The following GALM variants were observed in gnomAD, a reference collection of about 807,000 sequenced individuals.
GALM encodes galactose mutarotase, also known as aldose 1-epimerase.
GALM carries 43 observed loss-of-function variants against 37.4 expected under a neutral mutation model. The ratio of observed to expected loss-of-function variants is 1.15; its 90% CI spans 0.90 to 1.48. GALM has a LOEUF of 1.48. Ranked by LOEUF, GALM falls within the 40% of genes most tolerant of loss-of-function variation. The pLI is 0.00. For missense variants in GALM, 456 were observed against 419.1 expected (o/e 1.09, Z -0.77); for synonymous variants, 199 against 170.6 (o/e 1.17, Z -1.30).
At chr2:38,729,164 G>T (rs932389119) in intron 4 of GALM, among the ~76,000 whole-genome samples, 2 of 151,258 alleles carry the variant, frequency 1.3e-5, no homozygotes, top group Admixed American at 1.3e-4. Flanking sequence ...ATTTATTTGA[G>T]GGTTTTTTTT....
chr2:38,714,150 C>T (rs1459651392), intron 4 of GALM, among the ~76,000 whole-genome samples: 1 of 152,068 alleles, frequency 6.6e-6, no homozygotes, highest in Non-Finnish European at 1.5e-5. Flanking sequence ...ATGTACCAGA[C>T]ATGTCTAAAC....
chr2:38,672,345 C>T (rs183022869), intron 1 of GALM, among the ~76,000 whole-genome samples: 99 of 152,214 alleles, frequency 6.5e-4, no homozygotes, highest in African/African-American at 2.1e-3. Context: ...TTCTGAAAAG[C>T]GGATGAAACA....
Position 38,666,120 on chromosome 2 carries a change from G to A in GALM, c.-42G>A. 1 of 1,570,512 alleles carries A rather than the reference G, an allele frequency of 6.4e-7. No individual in the cohort carries two copies. ...CGCCTCTAGCTTAGCGAGCGCTGGA[G>A]TTTGAAGAGCGGGCAGTGGCTGCAC... On this transcript the variant is annotated 5_prime_UTR_variant, in exon 1 of 7. Coordinates refer to ENST00000272252, the MANE Select transcript of GALM (RefSeq NM_138801.3).
intron 1 of GALM, among the ~76,000 whole-genome samples, chr2:38,673,366 A>C (rs540994370): frequency 4.6e-5 from 7 of 152,356 alleles, no homozygotes; most frequent in Non-Finnish European, 1.0e-4. Flanking sequence ...TCTTGGTAAT[A>C]ATACAGAAAA....
chr2:38,714,156 T>C (rs1323203318), intron 4 of GALM, among the ~76,000 whole-genome samples: 2 of 152,148 alleles, frequency 1.3e-5, no homozygotes, highest in Admixed American at 1.3e-4. Flanking sequence ...CAGACATGTC[T>C]AAACACATAT....
At chr2:38,670,649 A>G (rs953602509) in intron 1 of GALM, among the ~76,000 whole-genome samples, 1 of 152,208 alleles carries the variant, frequency 6.6e-6, no homozygotes, top group African/African-American at 2.4e-5. Flanking sequence ...ATCTGACCAC[A>G]TATTTGATAC....
At chr2:38,727,914 G>A (rs1024430552) in intron 4 of GALM, among the ~76,000 whole-genome samples, 1 of 151,800 alleles carries the variant, frequency 6.6e-6, no homozygotes, top group African/African-American at 2.4e-5. Flanking sequence ...CTTTTTCTTA[G>A]CCTCCTAAGA....
chr2:38,699,204 G>A (rs1050558337), intron 4 of GALM, among the ~76,000 whole-genome samples: 1 of 152,130 alleles, frequency 6.6e-6, no homozygotes, highest in African/African-American at 2.4e-5. Context: ...ATGAGCCACC[G>A]TACCTGGCCC....
chr2:38,677,493 G>C (rs576117574), intron 2 of GALM, among the ~76,000 whole-genome samples: 42 of 152,258 alleles, frequency 2.8e-4, no homozygotes, highest in Non-Finnish European at 4.9e-4. Flanking sequence ...TGCTCTGCCA[G>C]TATTAGGGCA....
chr2:38,728,146 C>T (rs920530122), intron 4 of GALM, among the ~76,000 whole-genome samples: 1 of 152,212 alleles, frequency 6.6e-6, no homozygotes, highest in Admixed American at 6.5e-5. Context: ...GTAATCCCAG[C>T]ACTTTGGGAG....
At chr2:38,721,063 T>C (rs1326009206) in intron 4 of GALM, among the ~76,000 whole-genome samples, 1 of 152,218 alleles carries the variant, frequency 6.6e-6, no homozygotes, top group Non-Finnish European at 1.5e-5. Flanking sequence ...TCTAGACTAC[T>C]GTGGCCATCT....
chr2:38,678,062 G>A (rs1158507353), intron 2 of GALM, among the ~76,000 whole-genome samples: 3 of 150,482 alleles, frequency 2.0e-5, no homozygotes, highest in South Asian at 4.2e-4. Flanking sequence ...CATTTTCCAG[G>A]CTGGAGTGCA....
chr2:38,686,314 G>A (rs1356111909), intron 3 of GALM, among the ~76,000 whole-genome samples: 1 of 117,154 alleles, frequency 8.5e-6, no homozygotes, highest in Non-Finnish European at 1.9e-5. Flanking sequence ...CTCCCAGGCT[G>A]GAGTGCAGTG....
At position 38,666,255 on chromosome 2, in the gene GALM, G is replaced by C; in HGVS notation, c.94G>C (p.Asp32His). 1 of 1,614,014 alleles carries C rather than the reference G, an allele frequency of 6.2e-7. No individual in the cohort carries two copies. The highest frequency in any genetic ancestry group is 2.2e-5 in the East Asian group (1 of 44,888). ...FQLQSDLLRV[D>H]IISWGCTITA... ...GCTGCAGTCAGACCTCTTGAGAGTG[G>C]ACATCATCTCCTGGGGCTGCACGAT... Residue 32 changes from aspartate (D) to histidine (H), a missense_variant, in exon 1 of 7, where the codon GAC becomes CAC. Transcript: ENST00000272252.
rs201363784 is a variant in GALM, at chr2:38,688,513, G to GA, written c.553-1287dup. ...GCAACAAGAGCGAAACTCGGTCTCA[G>GA]AAAAAAAAAAAAAGTCAAATGTCAA... is the stretch of plus-strand genomic sequence containing the variant. On this transcript the variant is annotated intron_variant, in intron 3 of 6. Coordinates refer to ENST00000272252, the MANE Select transcript of GALM (RefSeq NM_138801.3). Among the ~76,000 whole-genome samples the GA allele has an allele frequency of 0.018, 2,535 of 137,924 alleles. 101 individuals are homozygous for GA. In the East Asian group the frequency reaches 0.18, roughly 10 times the overall value. The allele number at this position is 137,924 out of a possible 152,430, so 90.5% of individuals were successfully genotyped here.
chr2:38,704,287 C>G (rs1665991074), intron 4 of GALM, among the ~76,000 whole-genome samples: 1 of 151,876 alleles, frequency 6.6e-6, no homozygotes, highest in Non-Finnish European at 1.5e-5. Context: ...CAGCCTTGGC[C>G]TCCTGGGCTC....
intron 4 of GALM, 76 bp from the exon 5 acceptor site, chr2:38,729,480 T>G: frequency 7.6e-7 from 1 of 1,314,814 alleles, no homozygotes; most frequent in Non-Finnish European, 1.1e-6. Context: ...GTAGAACCAG[T>G]GAGCCTTTGT....
At chr2:38,729,456 T>G (rs1405470115) in intron 4 of GALM, 100 bp from the exon 5 acceptor site, 13 of 986,736 alleles carry the variant, frequency 1.3e-5, no homozygotes, top group Non-Finnish European at 1.9e-5. Flanking sequence ...CAAATTAAAA[T>G]GAAGGCGGAG....
rs541231128 is a variant in GALM, at chr2:38,683,125, G to C, written c.552+1639G>C. ...TAGGGAGGGGAGATCTAAAGGAATA[G>C]ATTAGAAATAAAAAGAGAAATTATG... On this transcript the variant is annotated intron_variant, in intron 3 of 6. Transcript: ENST00000272252. Among the ~76,000 whole-genome samples, 4 of 152,156 alleles carry C rather than the reference G, an allele frequency of 2.6e-5. No homozygotes were observed. The South Asian group carries it at 6.2e-4, about 24-fold the overall frequency.
Sources: allele counts gnomAD v4.1 joint callset (sites outside exome capture counted in the v4.1 genomes callset), GRCh38; gene constraint gnomAD v4.1.1; transcripts MANE v1.5; gene names NCBI Gene and HGNC (gene_info 2026-07-23, HGNC 2026-07-21).